The following CHST11 variants were observed in gnomAD, a reference collection of about 807,000 sequenced individuals.
The protein encoded by CHST11 is C4S-1.
In CHST11, 9 loss-of-function variants were observed where a neutral mutation model predicts 30.4. The observed-to-expected ratio is 0.30, with a 90% CI of 0.18 to 0.52. CHST11 has a LOEUF of 0.52. Among genes scored for constraint, CHST11 ranks in the 20% least tolerant of loss-of-function variants. The pLI, the probability that CHST11 is intolerant of heterozygous loss-of-function variation, is 0.97. For synonymous variants in CHST11, 152 were observed against 187.8 expected (o/e 0.81, Z 1.56); for missense variants, 348 against 460.6 (o/e 0.76, Z 2.24).
At chr12:104,525,579 A>G (rs1431122294) in intron 1 of CHST11, among the ~76,000 whole-genome samples, 1 of 152,208 alleles carries the variant, frequency 6.6e-6, no homozygotes, top group Admixed American at 6.5e-5. Context: ...TTTCCTCTTT[A>G]TAAAATGGGA....
chr12:104,611,777 CG>C (rs1566007442), intron 2 of CHST11, among the ~76,000 whole-genome samples: 1 of 152,068 alleles, frequency 6.6e-6, no homozygotes, highest in African/African-American at 2.4e-5. Context: ...TTCCGGAAAG[CG>C]TAAGTGTGAG....
chr12:104,514,565 T>C lies in CHST11; in HGVS notation c.118+57036T>C, dbSNP rs560478366. On this transcript the variant is annotated intron_variant, in intron 1 of 2. Coordinates refer to ENST00000303694, the MANE Select transcript of CHST11 (RefSeq NM_018413.6). ...AAAAAGAAATAGAGGTTTACTTGGC[T>C]CACGGTTCTGCAGGCTGTACACGAA... 4 of 437,608 alleles carry C rather than the reference T, an allele frequency of 9.1e-6. No individual in the cohort carries two copies. In the South Asian group the frequency reaches 9.5e-5, roughly 10 times the overall value. The allele number at this position is 437,608 out of a possible 1,614,324, so 27.1% of individuals were successfully genotyped here.
At chr12:104,509,573 G>A (rs939644148) in intron 1 of CHST11, among the ~76,000 whole-genome samples, 3 of 152,136 alleles carry the variant, frequency 2.0e-5, no homozygotes, top group Non-Finnish European at 2.9e-5. Flanking sequence ...TATACCTGTT[G>A]AACATTGATA....
chr12:104,687,523 C>A (rs1303928271), intron 2 of CHST11, among the ~76,000 whole-genome samples: 1 of 152,192 alleles, frequency 6.6e-6, no homozygotes, highest in African/African-American at 2.4e-5. Flanking sequence ...GGCCAAAGAG[C>A]TTAAGAATTT....
rs1348103113 is a variant in CHST11, at chr12:104,600,080, CCCCTG to C, written c.119-1821_119-1817del. 3.9e-5 allele frequency among the ~76,000 whole-genome samples: 6 copies of C among 152,170 alleles called. No homozygotes were observed. The highest frequency in any genetic ancestry group is 1.4e-4 in the African/African-American group (6 of 41,436). ...GGCCCCTTACAGAAAATTTTGCTGA[CCCCTG>C]CCCTAGGAAGTCAAGGAAAAGGAAA... On this transcript the variant is annotated intron_variant, in intron 1 of 2. Coordinates refer to ENST00000303694, the MANE Select transcript of CHST11 (RefSeq NM_018413.6). This position sits in a 1 kb window ranked among gnomAD's most constrained non-coding sequence, Gnocchi z 4.1.
intron 1 of CHST11, among the ~76,000 whole-genome samples, chr12:104,492,772 G>A (rs948609744): frequency 6.6e-6 from 1 of 152,146 alleles, no homozygotes; most frequent in African/African-American, 2.4e-5. Context: ...GGTGGCTCAC[G>A]CCTGTAATCC....
chr12:104,695,046 A>G (rs2136109796), intron 2 of CHST11, among the ~76,000 whole-genome samples: 1 of 152,192 alleles, frequency 6.6e-6, no homozygotes, highest in Middle Eastern at 3.4e-3. Context: ...GCCACAGGGG[A>G]TGCTGGGGGG....
intron 2 of CHST11, among the ~76,000 whole-genome samples, chr12:104,693,576 T>C (rs1198439292): frequency 6.6e-6 from 1 of 152,114 alleles, no homozygotes; most frequent in Non-Finnish European, 1.5e-5. Flanking sequence ...GTCCACTGGA[T>C]GGGAGACAAG....
Position 104,457,440 on chromosome 12 carries a change from G to T in CHST11, c.29G>T (p.Arg10Met), listed in dbSNP as rs374980790. The T allele has an allele frequency of 6.2e-7, 1 of 1,614,128 alleles. No homozygotes were observed. Among genetic ancestry groups the T allele is most frequent in the South Asian group, 1.1e-5 (1 of 91,086 alleles). MKPALLEVMRMNRICRMVLA... is the reference protein window; with the variant it reads MKPALLEVMMMNRICRMVLA... ...AAGCCAGCGCTGCTGGAAGTGATGAGGATGAACAGAATCTGCCGGATGGTG... is the reference window on the plus strand; with the variant it reads ...AAGCCAGCGCTGCTGGAAGTGATGATGATGAACAGAATCTGCCGGATGGTG... Residue 10 changes from arginine to methionine, a missense_variant, in exon 1 of 3, where the codon AGG (arginine) becomes ATG (methionine). Transcript: ENST00000303694.
At chr12:104,576,342 C>T (rs2038683550) in intron 1 of CHST11, among the ~76,000 whole-genome samples, 1 of 152,126 alleles carries the variant, frequency 6.6e-6, no homozygotes, top group Admixed American at 6.5e-5. Flanking sequence ...CTAGCGGAAG[C>T]CAGGGCAGGT....
chr12:104,683,854 G>A (rs1431923477), intron 2 of CHST11, among the ~76,000 whole-genome samples: 2 of 152,056 alleles, frequency 1.3e-5, no homozygotes, highest in African/African-American at 4.8e-5. Context: ...CACATCTATG[G>A]GAAAATTCAC....
At chr12:104,601,781 T>G in intron 1 of CHST11, 125 bp from the exon 2 acceptor site, 1 of 703,298 alleles carries the variant, frequency 1.4e-6, no homozygotes. Context: ...AAATCTTCCT[T>G]TGCTAGAAGC....
At chr12:104,557,802 GT>G (rs1355764825) in intron 1 of CHST11, among the ~76,000 whole-genome samples, 4 of 152,172 alleles carry the variant, frequency 2.6e-5, no homozygotes, top group African/African-American at 9.7e-5. Flanking sequence ...CCAGGGAAAT[GT>G]GGGAACGAAA....
At chr12:104,678,543 A>G (rs1310511715) in intron 2 of CHST11, among the ~76,000 whole-genome samples, 2 of 152,362 alleles carry the variant, frequency 1.3e-5, no homozygotes, top group Admixed American at 6.5e-5. Context: ...AAATGGAGGC[A>G]TAGTTTAATA....
At position 104,758,672 on chromosome 12, in the gene CHST11, C is replaced by A. The variant is rs147863103; in HGVS notation, c.*869C>A. The A allele has an allele frequency of 6.6e-6, 1 of 152,288 alleles. No homozygotes were observed. The highest frequency in any genetic ancestry group is 1.9e-4 in the East Asian group (1 of 5,186). 9.4% of individuals were successfully genotyped at this position (152,288 alleles called of 1,614,324 possible). ...AGCATCCAGCTCGACAATTAGCAAA[C>A]CCCTGATATTATTCATGGACTTGAC... On this transcript the variant is annotated 3_prime_UTR_variant, in exon 3 of 3. Transcript: ENST00000303694.
chr12:104,465,959 A>G (rs185596579), intron 1 of CHST11, among the ~76,000 whole-genome samples: 1 of 151,834 alleles, frequency 6.6e-6, no homozygotes, highest in African/African-American at 2.4e-5. Context: ...TCCTGGGTTC[A>G]AGCGATTCTC....
intron 2 of CHST11, among the ~76,000 whole-genome samples, chr12:104,674,676 C>T (rs76900450): frequency 1.8e-4 from 27 of 152,070 alleles, no homozygotes; most frequent in African/African-American, 6.3e-4. Flanking sequence ...TTCCTGTTAA[C>T]GGAGGAATCT....
chr12:104,677,558 C>T (rs1430762005), intron 2 of CHST11, among the ~76,000 whole-genome samples: 2 of 152,322 alleles, frequency 1.3e-5, no homozygotes, highest in Admixed American at 6.5e-5. Context: ...TCTGTTTGAT[C>T]AGCCTTTCAC....
intron 2 of CHST11, among the ~76,000 whole-genome samples, chr12:104,641,323 T>C (rs2039374887): frequency 6.6e-6 from 1 of 152,208 alleles, no homozygotes; most frequent in Non-Finnish European, 1.5e-5. Context: ...ACTTAATCTG[T>C]CCATGGATGG....
Sources: allele counts gnomAD v4.1 joint callset (sites outside exome capture counted in the v4.1 genomes callset), GRCh38; gene constraint gnomAD v4.1.1; non-coding constraint Gnocchi (gnomAD v3.1); transcripts MANE v1.5; gene names NCBI Gene and HGNC (gene_info 2026-07-23, HGNC 2026-07-21).